The following ACTN1 variants were observed in gnomAD, a reference collection of about 807,000 sequenced individuals.
ACTN1 encodes alpha-actinin-1.
Under a neutral mutation model 119.6 loss-of-function variants are expected in ACTN1, and 30 were observed. The ratio of observed to expected loss-of-function variants is 0.25; its 90% CI spans 0.19 to 0.34. ACTN1 has a LOEUF of 0.34. ACTN1 is among the 10% of genes least tolerant of loss of function. ACTN1 has a pLI of 1.00. For synonymous variants in ACTN1, 429 were observed against 472.6 expected, an observed-to-expected ratio of 0.91 and a Z score of 1.20; for missense variants, 764 against 1,223.4, an observed-to-expected ratio of 0.62 and a Z score of 5.60.
intron 6 of ACTN1, among the ~76,000 whole-genome samples, chr14:68,905,347 C>G (rs765029845): frequency 6.6e-6 from 1 of 152,198 alleles, no homozygotes; most frequent in Non-Finnish European, 1.5e-5. Flanking sequence ...GCGATGAATG[C>G]AACATAAACG....
At chr14:68,907,785 A>C (rs2033756277) in intron 6 of ACTN1, among the ~76,000 whole-genome samples, 1 of 152,156 alleles carries the variant, frequency 6.6e-6, no homozygotes, top group Non-Finnish European at 1.5e-5. Flanking sequence ...CACGGTCGGC[A>C]CAGACCCCTT....
chr14:68,887,712 G>T, intron 11 of ACTN1: 1 of 1,388,184 alleles, frequency 7.2e-7, no homozygotes, highest in Non-Finnish European at 1.0e-6. Context: ...TTACAAAATA[G>T]TTGATAAAAA....
At position 68,979,099 on chromosome 14, in the gene ACTN1, T is replaced by A. The variant is rs2037176474; in HGVS notation, c.-43A>T. The A allele has an allele frequency of 7.8e-7, 1 of 1,287,022 alleles. No individual in the cohort carries two copies. The highest frequency in any genetic ancestry group is 1.5e-5 in the African/African-American group (1 of 65,432). 79.7% of individuals were successfully genotyped at this position (1,287,022 alleles called of 1,614,324 possible). On this transcript the variant is annotated 5_prime_UTR_variant, in exon 1 of 22. Coordinates refer to ENST00000394419, the MANE Select transcript of ACTN1 (RefSeq NM_001130004.2). ...AGGGTCTGGATTTCTTCCTCCACCT[T>A]CTCTCTGAGCAACGGCTGCTGCCCT...
chr14:68,926,572 C>G (rs1301684067), intron 1 of ACTN1, among the ~76,000 whole-genome samples: 1 of 152,252 alleles, frequency 6.6e-6, no homozygotes, highest in Non-Finnish European at 1.5e-5. Context: ...CATTCATTGG[C>G]AACTCCAGAC....
chr14:68,928,123 G>A (rs1429442750), intron 1 of ACTN1, among the ~76,000 whole-genome samples: 1 of 152,212 alleles, frequency 6.6e-6, no homozygotes. Flanking sequence ...CACCCGCCCA[G>A]CTGGGGGCTA....
intron 1 of ACTN1, among the ~76,000 whole-genome samples, chr14:68,955,254 G>A (rs2036316477): frequency 6.6e-6 from 1 of 152,138 alleles, no homozygotes; most frequent in East Asian, 1.9e-4. Flanking sequence ...ACTGAGTCCT[G>A]CAGGCCTCCT....
intron 1 of ACTN1, among the ~76,000 whole-genome samples, chr14:68,943,911 A>C (rs1297494477): frequency 6.6e-6 from 1 of 152,192 alleles, no homozygotes; most frequent in African/African-American, 2.4e-5. Context: ...CTTCCAGGCC[A>C]GCCTTCAGAC....
At chr14:68,949,541 A>AC (rs936582870) in intron 1 of ACTN1, among the ~76,000 whole-genome samples, 1 of 152,194 alleles carries the variant, frequency 6.6e-6, no homozygotes, top group Non-Finnish European at 1.5e-5. Context: ...TGCCCAGGGG[A>AC]CCCAAGGTGC....
rs115674827 is a variant in ACTN1, at chr14:68,925,684, C to G, written c.106-12G>C. On this transcript the variant is annotated splice_polypyrimidine_tract_variant and intron_variant, in intron 1 of 21. Transcript: ENST00000394419. The surrounding 1 kb of genome is among the most constrained non-coding windows in gnomAD (Gnocchi z 4.3). Reference sequence around the variant, plus strand: ...CATGCCGTGAATGTCTGGGCAGAGACAAGAAGGGCAAGTGGTCAGGGGGCT... The same window carrying G: ...CATGCCGTGAATGTCTGGGCAGAGAGAAGAAGGGCAAGTGGTCAGGGGGCT... 2.4e-3 allele frequency: 3,773 copies of G among 1,602,270 alleles called. 70 individuals are homozygous for G. The African/African-American group carries it at 0.044, about 19-fold the overall frequency.
chr14:68,903,447 G>A (rs570148259), intron 7 of ACTN1, among the ~76,000 whole-genome samples: 22 of 151,082 alleles, frequency 1.5e-4, no homozygotes, highest in African/African-American at 5.1e-4. Context: ...TGAGGCAAGA[G>A]AATCGCTTGA....
chr14:68,887,955 T>C lies in ACTN1; in HGVS notation c.1234+2184A>G, dbSNP rs1476561476. 3 of 849,492 alleles carry C rather than the reference T, an allele frequency of 3.5e-6. No homozygotes were observed. In the East Asian group the frequency reaches 7.4e-5, roughly 21 times the overall value. The allele number at this position is 849,492 out of a possible 1,614,324, so 52.6% of individuals were successfully genotyped here. A position where few individuals can be genotyped will look rare whatever the true frequency, so the allele number is the denominator to read the frequency against. On this transcript the variant is annotated intron_variant, in intron 11 of 21. Coordinates refer to ENST00000394419, the MANE Select transcript of ACTN1 (RefSeq NM_001130004.2). ...GTTTGCACTTTTTTGTCTGAAGATTTATCCTTCACTGCTGCGTTTTTCGGC... is the reference window on the plus strand; with the variant it reads ...GTTTGCACTTTTTTGTCTGAAGATTCATCCTTCACTGCTGCGTTTTTCGGC...
chr14:68,900,636 G>A lies in ACTN1; in HGVS notation c.762+1841C>T, dbSNP rs111852964. ...AGCTTCTCTCTCGCTTGTGGTATCC[G>A]CTATGCCCAGGGCATAGGGACAGAG... On this transcript the variant is annotated intron_variant, in intron 8 of 21. Coordinates refer to ENST00000394419, the MANE Select transcript of ACTN1 (RefSeq NM_001130004.2). Among the ~76,000 whole-genome samples, 11 of 152,186 alleles carry A rather than the reference G, an allele frequency of 7.2e-5. 2 individuals are homozygous for A. The highest frequency in any genetic ancestry group is 2.6e-4 in the African/African-American group (11 of 41,520).
intron 1 of ACTN1, among the ~76,000 whole-genome samples, chr14:68,942,251 A>G (rs1483979297): frequency 1.3e-5 from 2 of 152,082 alleles, no homozygotes; most frequent in African/African-American, 2.4e-5. Context: ...ATGATGGTGC[A>G]CCCCTATAGT....
At chr14:68,904,801 A>C in intron 6 of ACTN1, 65 bp from the exon 7 acceptor site, 1 of 1,430,544 alleles carries the variant, frequency 7.0e-7, no homozygotes, top group Non-Finnish European at 9.8e-7. Context: ...GGCTACTCCC[A>C]ATTGGGTGGC....
At chr14:68,945,262 A>T (rs1026279197) in intron 1 of ACTN1, among the ~76,000 whole-genome samples, 8 of 149,846 alleles carry the variant, frequency 5.3e-5, no homozygotes, top group Middle Eastern at 3.4e-3. Flanking sequence ...AGGTCTGTTC[A>T]AAAAACTGAA....
intron 1 of ACTN1, among the ~76,000 whole-genome samples, chr14:68,935,539 C>A (rs185726012): frequency 6.4e-4 from 97 of 152,082 alleles, no homozygotes; most frequent in Non-Finnish European, 1.1e-3. Context: ...GCGCGTGCCA[C>A]CACGCCCGGC....
chr14:68,976,980 A>C (rs1194580160), intron 1 of ACTN1, among the ~76,000 whole-genome samples: 2 of 152,138 alleles, frequency 1.3e-5, no homozygotes, highest in African/African-American at 4.8e-5. Context: ...TAATATATTC[A>C]TTCATTCAGA....
chr14:68,875,246 T>C, intron 21 of ACTN1: 1 of 1,192,816 alleles, frequency 8.4e-7, no homozygotes, highest in Non-Finnish European at 1.1e-6. Context: ...GTACCTACTT[T>C]GTAAGCCACT....
intron 6 of ACTN1, among the ~76,000 whole-genome samples, chr14:68,908,887 T>C (rs1453568655): frequency 2.6e-5 from 4 of 152,112 alleles, no homozygotes; most frequent in African/African-American, 9.7e-5. Flanking sequence ...ACCAAATCCA[T>C]GGGTGGGATA....
Sources: allele counts gnomAD v4.1 joint callset (sites outside exome capture counted in the v4.1 genomes callset), GRCh38; gene constraint gnomAD v4.1.1; non-coding constraint Gnocchi (gnomAD v3.1); transcripts MANE v1.5; gene names NCBI Gene and HGNC (gene_info 2026-07-23, HGNC 2026-07-21).